KLHL41: variants seen among roughly 807,000 people sequenced by gnomAD.
The protein encoded by KLHL41 is kelch like family member 41.
In KLHL41, 31 loss-of-function variants were observed where a neutral mutation model predicts 49.2. The observed-to-expected ratio is 0.63, with a 90% CI of 0.47 to 0.85. The LOEUF (loss-of-function observed/expected upper bound fraction) is 0.85, where lower values mean the gene tolerates loss of function less well. Among genes scored for constraint, KLHL41 ranks in the 40% least tolerant of loss-of-function variants. The pLI, the probability that KLHL41 is intolerant of heterozygous loss-of-function variation, is 0.00. For synonymous variants in KLHL41, 218 were observed against 258.5 expected, an observed-to-expected ratio of 0.84 and a Z score of 1.50; for missense variants, 663 against 726.7, an observed-to-expected ratio of 0.91 and a Z score of 1.01.
chr2:169,514,523 T>A, intron 1 of KLHL41, 51 bp from the exon 2 acceptor site: 3 of 1,522,216 alleles, frequency 2.0e-6, no homozygotes, highest in Non-Finnish European at 2.7e-6. Context: ...TTGGTGTACT[T>A]CTAATTTTTT....
chr2:169,525,241 A>G (rs1319726753), intron 5 of KLHL41, among the ~76,000 whole-genome samples: 5 of 151,936 alleles, frequency 3.3e-5, no homozygotes, highest in Non-Finnish European at 7.4e-5. Context: ...CTTAAGCAAG[A>G]GTCTGCTTAC....
intron 5 of KLHL41, among the ~76,000 whole-genome samples, chr2:169,524,006 TA>T (rs1684260622): frequency 3.3e-5 from 5 of 150,504 alleles, no homozygotes; most frequent in African/African-American, 1.3e-4. Flanking sequence ...ACCCTCTTAC[TA>T]TACGTAAAAA....
intron 5 of KLHL41, 78 bp from the exon 6 acceptor site, chr2:169,525,507 T>C (rs1684289454): frequency 2.3e-6 from 2 of 863,426 alleles, no homozygotes; most frequent in South Asian, 1.5e-5. Flanking sequence ...TTTTCAAAGA[T>C]CCACATTTGT....
At position 169,518,365 on chromosome 2, in the gene KLHL41, A is replaced by C; in HGVS notation, c.1552A>C (p.Thr518Pro). The change falls in exon 4 of 6, where the codon ACA becomes CCA. Residue 518 changes from threonine (T) to proline (P), a missense_variant. Around this residue, in one of 3 missense-constraint regions of KLHL41, gnomAD observed 528 missense variants for 581.0 expected, o/e 0.91. Transcript: ENST00000284669. ...AGCTTCAGTTGAAGCTTTTGACCTT[A>C]CAACAAATAAGTGAGTTGCCACATC... ...LSASVEAFDL[T>P]TNKWDVMTEF... 6.2e-7 allele frequency: 1 copy of C among 1,610,488 alleles called. No homozygotes were observed. Among genetic ancestry groups the C allele is most frequent in the South Asian group, 1.1e-5 (1 of 90,472 alleles).
chr2:169,525,730 G>C lies in KLHL41; in HGVS notation c.*34G>C, dbSNP rs781747838. On this transcript the variant is annotated 3_prime_UTR_variant, in exon 6 of 6. Transcript: ENST00000284669. ...ACAAAACATAATAGATTGGGAGGTG[G>C]TTTGTTTGGTGAATGGGGCTTTAAT... 5 of 1,245,696 alleles carry C rather than the reference G, an allele frequency of 4.0e-6. No individual in the cohort carries two copies. Among genetic ancestry groups the C allele is most frequent in the African/African-American group, 1.5e-5 (1 of 67,472 alleles). The allele number at this position is 1,245,696 out of a possible 1,614,324, so 77.2% of individuals were successfully genotyped here.
rs201642274 is a variant in KLHL41 at position 169,510,231 on chromosome 2, C to A, written c.453C>A (p.Ala151=). The change falls in exon 1 of 6, where the codon GCC becomes GCA. Residue 151 remains alanine (A), a synonymous_variant. Coordinates refer to ENST00000284669, the MANE Select transcript of KLHL41 (RefSeq NM_006063.3). The surrounding 1 kb of genome is among the most constrained non-coding windows in gnomAD (Gnocchi z 4.2). ...TTCTTCTTGACTGCCCGAGACTCGC[C>A]ATTTCTGCCCGTGAATTTGTGTCTG... ...LGLLLDCPRL[A]ISAREFVSDR... 81 of 1,614,022 alleles carry A rather than the reference C, an allele frequency of 5.0e-5. No homozygotes were observed. The highest frequency in any genetic ancestry group is 1.6e-4 in the Middle Eastern group (1 of 6,062).
chr2:169,524,910 G>C (rs569241437), intron 5 of KLHL41, among the ~76,000 whole-genome samples: 265 of 152,264 alleles, frequency 1.7e-3, no homozygotes, highest in African/African-American at 6.0e-3. Context: ...TCAGAGAGAA[G>C]GCGGCATTTA....
chr2:169,525,789 C>T lies in KLHL41; in HGVS notation c.*93C>T, dbSNP rs527706493. 2 of 650,232 alleles carry T rather than the reference C, an allele frequency of 3.1e-6. No homozygotes were observed. Among genetic ancestry groups the T allele is most frequent in the Admixed American group, 2.9e-5 (1 of 34,888 alleles). 40.3% of individuals were successfully genotyped at this position (650,232 alleles called of 1,614,324 possible). A position where few individuals can be genotyped will look rare whatever the true frequency, so the allele number is the denominator to read the frequency against. ...TTTTTTAAAAGCTTGTACAGACACT[C>T]ATGTAGAAATTATTCAAGAAGTTAT... On this transcript the variant is annotated 3_prime_UTR_variant, in exon 6 of 6. Coordinates refer to ENST00000284669, the MANE Select transcript of KLHL41 (RefSeq NM_006063.3).
chr2:169,520,833 C>T, intron 4 of KLHL41, 28 bp from the exon 5 acceptor site: 3 of 1,528,052 alleles, frequency 2.0e-6, no homozygotes, highest in African/African-American at 2.8e-5. Flanking sequence ...TTAAGTTTTA[C>T]ATTGACTATA....
At chr2:169,524,418 CTTTTT>C (rs113248017) in intron 5 of KLHL41, among the ~76,000 whole-genome samples, 1 of 116,026 alleles carries the variant, frequency 8.6e-6, no homozygotes, top group African/African-American at 3.2e-5. Context: ...TGGGGTAAAT[CTTTTT>C]TTTTTTTTTT....
intron 5 of KLHL41, 144 bp downstream of exon 5, chr2:169,521,151 C>T: frequency 1.5e-6 from 1 of 674,778 alleles, no homozygotes; most frequent in Non-Finnish European, 2.5e-6. Context: ...CCTAATTGAA[C>T]TTCTGTACAT....
intron 4 of KLHL41, 80 bp downstream of exon 4, chr2:169,518,455 C>A: frequency 1.8e-6 from 2 of 1,113,568 alleles, no homozygotes; most frequent in Non-Finnish European, 2.6e-6. Flanking sequence ...AGTTATCTTT[C>A]TAATTAGGAT....
rs150768955 is a variant in KLHL41 at position 169,510,859 on chromosome 2, G to A, written c.1081G>A (p.Asp361Asn). Residue 361 changes from aspartate (D) to asparagine (N), a missense_variant, in exon 1 of 6, where the codon GAT (aspartate) becomes AAT (asparagine). Asp to Asn is a conservative substitution (Grantham distance 23). Transcript: ENST00000284669. The surrounding 1 kb of genome is among the most constrained non-coding windows in gnomAD (Gnocchi z 4.2). The part of the protein sequence containing the change: ...GGLYVDEENK[D>N]QPLQSYFFQL... ...ACTATATGTGGATGAAGAAAATAAG[G>A]ATCAACCTCTACAGTCATACTTCTT... 3 of 1,613,800 alleles carry A rather than the reference G, an allele frequency of 1.9e-6. No homozygotes were observed. The highest frequency in any genetic ancestry group is 2.5e-6 in the Non-Finnish European group (3 of 1,179,880).
rs779140230 is a variant in KLHL41, at chr2:169,510,805, C to T, written c.1027C>T (p.Gln343Ter). ...IPRNHSSIVT[Q>*]QNQIYVVGGL... ...CAGAAATCATTCCAGCATTGTTACC[C>T]AGCAAAATCAGATATATGTGGTAGG... The change falls in exon 1 of 6, where the codon CAG becomes TAG. Residue 343 changes from glutamine to a stop codon, truncating the protein, a stop_gained. Coordinates refer to ENST00000284669, the MANE Select transcript of KLHL41 (RefSeq NM_006063.3). LOFTEE classifies it high-confidence loss of function. This position sits in a 1 kb window ranked among gnomAD's most constrained non-coding sequence, Gnocchi z 4.2. 34 of 1,613,882 alleles carry T rather than the reference C, an allele frequency of 2.1e-5. No individual in the cohort carries two copies. The highest frequency in any genetic ancestry group is 2.5e-5 in the Non-Finnish European group (30 of 1,179,970).
At chr2:169,512,797 G>A (rs1305664460) in intron 1 of KLHL41, among the ~76,000 whole-genome samples, 1 of 152,108 alleles carries the variant, frequency 6.6e-6, no homozygotes, top group African/African-American at 2.4e-5. Flanking sequence ...ATATTTTTCT[G>A]CTTGGTCACA....
At chr2:169,525,554 C>A in intron 5 of KLHL41, 31 bp from the exon 6 acceptor site, 1 of 1,329,362 alleles carries the variant, frequency 7.5e-7, no homozygotes, top group Non-Finnish European at 1.1e-6. Context: ...ACTAAAGCTG[C>A]TTATTGATTA....
At chr2:169,521,342 A>C (rs1684200530) in intron 5 of KLHL41, among the ~76,000 whole-genome samples, 1 of 152,200 alleles carries the variant, frequency 6.6e-6, no homozygotes, top group Non-Finnish European at 1.5e-5. Flanking sequence ...TTTGCTCCAG[A>C]GTAGTTTATT....
Position 169,526,078 on chromosome 2 carries a change from AAT to A in KLHL41, c.*383_*384del. On this transcript the variant is annotated 3_prime_UTR_variant, in exon 6 of 6. Coordinates refer to ENST00000284669, the MANE Select transcript of KLHL41 (RefSeq NM_006063.3). Reference sequence around the variant, plus strand: ...AGAATATGTGCATCTACACTAAAAAAATGTTTAAGATATCAAAAACCTCTCCT... The same window carrying A: ...AGAATATGTGCATCTACACTAAAAAAGTTTAAGATATCAAAAACCTCTCCT... The A allele has an allele frequency of 6.5e-6, 1 of 154,866 alleles. No individual in the cohort carries two copies. Among genetic ancestry groups the A allele is most frequent in the Non-Finnish European group, 1.4e-5 (1 of 69,820 alleles). 9.6% of individuals were successfully genotyped at this position (154,866 alleles called of 1,614,324 possible). A position where few individuals can be genotyped will look rare whatever the true frequency, so the allele number is the denominator to read the frequency against.
chr2:169,509,920 A>C lies in KLHL41; in HGVS notation c.142A>C (p.Arg48=), dbSNP rs770503939. ...KAGDKSLPCH[R]LILSACSPYF... ...AGGTGACAAAAGTCTTCCTTGCCAC[A>C]GATTGATTTTGTCAGCTTGTAGTCC... Residue 48 remains arginine, a synonymous_variant, in exon 1 of 6, where the codon AGA becomes CGA. Transcript: ENST00000284669. The C allele has an allele frequency of 1.2e-6, 2 of 1,614,186 alleles. No homozygotes were observed. Among genetic ancestry groups the C allele is most frequent in the Non-Finnish European group, 1.7e-6 (2 of 1,180,044 alleles).
Sources: gnomAD v4.1 joint callset for allele counts (sites outside exome capture counted in the v4.1 genomes callset) on GRCh38, gnomAD v4.1.1 for gene constraint, gnomAD v4.1.1 regional missense constraint, Gnocchi (gnomAD v3.1) non-coding constraint, MANE v1.5 for transcripts, NCBI Gene and HGNC (gene_info 2026-07-23, HGNC 2026-07-21) for gene names.